Variants in KCNC1 observed in about 807,000 individuals in gnomAD.
KCNC1 encodes the protein potassium voltage-gated channel subfamily C member 1.
In KCNC1, 8 loss-of-function variants were observed where a neutral mutation model predicts 43.4. The ratio of observed to expected loss-of-function variants is 0.18; its 90% CI spans 0.11 to 0.33. The LOEUF is 0.33. KCNC1 is among the 10% of genes least tolerant of loss of function. The pLI, the probability that KCNC1 is intolerant of heterozygous loss-of-function variation, is 1.00. For missense variants in KCNC1, 420 were observed against 836.0 expected (o/e 0.50, Z 6.14); for synonymous variants, 361 against 360.5 (o/e 1.00, Z -0.01).
At position 17,776,526 on chromosome 11, in the gene KCNC1, T is replaced by TA. The variant is rs1273680097; in HGVS notation, c.1505-2921dup. On this transcript the variant is annotated intron_variant, in intron 2 of 3. Transcript: ENST00000265969. This position sits in a 1 kb window ranked among gnomAD's most constrained non-coding sequence, Gnocchi z 4.4. Reference sequence around the variant, plus strand: ...CTCGGGTTCTCCTTGCTCCAAAGTTTAAAAAAAAATGACCCTCTCGCAGAT... The same window carrying TA: ...CTCGGGTTCTCCTTGCTCCAAAGTTTAAAAAAAAAATGACCCTCTCGCAGAT... The TA allele has an allele frequency of 2.8e-5, 28 of 983,370 alleles. No individual in the cohort carries two copies. Among genetic ancestry groups the TA allele is most frequent in the Middle Eastern group, 5.2e-4 (1 of 1,930 alleles). 60.9% of individuals were successfully genotyped at this position (983,370 alleles called of 1,614,324 possible). A position where few individuals can be genotyped will look rare whatever the true frequency, so the allele number is the denominator to read the frequency against.
chr11:17,743,380 C>T (rs988064643), intron 1 of KCNC1, among the ~76,000 whole-genome samples: 13 of 151,902 alleles, frequency 8.6e-5, no homozygotes, highest in Non-Finnish European at 1.6e-4. Context: ...TGGGTCTCTC[C>T]CTCCCCACCA....
intron 1 of KCNC1, among the ~76,000 whole-genome samples, chr11:17,762,772 G>A (rs776061567): frequency 3.9e-5 from 6 of 152,154 alleles, no homozygotes; most frequent in African/African-American, 7.2e-5. Context: ...GTCCTGCTGA[G>A]TGCTCTGCAC....
intron 1 of KCNC1, among the ~76,000 whole-genome samples, chr11:17,765,483 A>T (rs1849137796): frequency 6.6e-6 from 1 of 152,198 alleles, no homozygotes; most frequent in Admixed American, 6.5e-5. Context: ...AAGTCAACAG[A>T]TCGTTAGTAG....
chr11:17,763,571 TAC>T (rs148784935), intron 1 of KCNC1, among the ~76,000 whole-genome samples: 834 of 78,068 alleles, frequency 0.011, 10 homozygotes, highest in African/African-American at 0.035. Context: ...ACACATGCAA[TAC>T]ACACACACAC....
At chr11:17,752,873 C>G (rs1035791566) in intron 1 of KCNC1, among the ~76,000 whole-genome samples, 3 of 152,222 alleles carry the variant, frequency 2.0e-5, no homozygotes, top group African/African-American at 7.2e-5. Context: ...CTGCCTTCAT[C>G]ATTACTGTTG....
chr11:17,772,619 A>G, intron 2 of KCNC1, 21 bp downstream of exon 2: 1 of 1,606,770 alleles, frequency 6.2e-7, no homozygotes, highest in Non-Finnish European at 8.5e-7. Context: ...TCTTAGAGGC[A>G]TGTCGATCTG....
At chr11:17,761,434 C>T (rs867381819) in intron 1 of KCNC1, among the ~76,000 whole-genome samples, 4 of 152,236 alleles carry the variant, frequency 2.6e-5, no homozygotes, top group African/African-American at 9.6e-5. Context: ...TGCAAGGGAG[C>T]CAGCAGTCTT....
At position 17,763,949 on chromosome 11, in the gene KCNC1, A is replaced by ACACC. The variant is rs1554990498; in HGVS notation, c.571-7715_571-7714insACCC. ...CATATACACGCCCACACACACACACACCCACACACAGCAGCCCACACATGC... is the reference window on the plus strand; with the variant it reads ...CATATACACGCCCACACACACACACACACCCCCACACACAGCAGCCCACACATGC... On this transcript the variant is annotated intron_variant, in intron 1 of 3. Transcript: ENST00000265969. Among the ~76,000 whole-genome samples the ACACC allele has an allele frequency of 3.6e-5, 4 of 110,770 alleles. No homozygotes were observed. In the South Asian group the frequency reaches 9.9e-4, roughly 28 times the overall value. The allele number at this position is 110,770 out of a possible 152,430, so 72.7% of individuals were successfully genotyped here.
chr11:17,771,887 A>G lies in KCNC1; in HGVS notation c.793A>G (p.Ile265Val), dbSNP rs1297790335. ...CACCTTCGAGTTCCTCATGCGTGTCATCTTCTGCCCCAACAAGGTAGAGTT... is the reference window on the plus strand; with the variant it reads ...CACCTTCGAGTTCCTCATGCGTGTCGTCTTCTGCCCCAACAAGGTAGAGTT... ...WFTFEFLMRV[I>V]FCPNKVEFIK... Residue 265 changes from isoleucine to valine, a missense_variant, in exon 2 of 4, where the codon ATC becomes GTC. Coordinates refer to ENST00000265969, the MANE Select transcript of KCNC1 (RefSeq NM_001112741.2). The surrounding 1 kb of genome is among the most constrained non-coding windows in gnomAD (Gnocchi z 4.7). The G allele has an allele frequency of 1.2e-6, 2 of 1,614,082 alleles. No homozygotes were observed. The highest frequency in any genetic ancestry group is 2.2e-5 in the East Asian group (1 of 44,896).
In KCNC1 at chr11:17,782,533, A is replaced by G. The variant is rs914468453; in HGVS notation, c.*799A>G. The G allele has an allele frequency of 1.3e-5, 2 of 152,040 alleles. No individual in the cohort carries two copies. Among genetic ancestry groups the G allele is most frequent in the African/African-American group, 4.8e-5 (2 of 41,378 alleles). 9.4% of individuals were successfully genotyped at this position (152,040 alleles called of 1,614,324 possible). A position where few individuals can be genotyped will look rare whatever the true frequency, so the allele number is the denominator to read the frequency against. On this transcript the variant is annotated 3_prime_UTR_variant, in exon 4 of 4. Transcript: ENST00000265969. ...AAATTGTTCATAGTAAATAATCACC[A>G]CCGTATGGATTTTCCAAGTGTTCCA...
At position 17,779,442 on chromosome 11, in the gene KCNC1, T is replaced by C. The variant is rs1396339511; in HGVS notation, c.1505-14T>C. ...TTTTCAGTGTCTCAATAGCTTCTGCTTATATGTTTGAAGATTCCAAACTGA... is the reference window on the plus strand; with the variant it reads ...TTTTCAGTGTCTCAATAGCTTCTGCCTATATGTTTGAAGATTCCAAACTGA... On this transcript the variant is annotated splice_polypyrimidine_tract_variant and intron_variant, in intron 2 of 3. Transcript: ENST00000265969. The surrounding 1 kb of genome is among the most constrained non-coding windows in gnomAD (Gnocchi z 7.2). 2 of 1,532,202 alleles carry C rather than the reference T, an allele frequency of 1.3e-6. No individual in the cohort carries two copies. The highest frequency in any genetic ancestry group is 4.2e-5 in the Admixed American group (2 of 47,306). 94.9% of individuals were successfully genotyped at this position (1,532,202 alleles called of 1,614,324 possible). A position where few individuals can be genotyped will look rare whatever the true frequency, so the allele number is the denominator to read the frequency against.
In KCNC1 at chr11:17,781,480, C is replaced by T; in HGVS notation, c.1694-190C>T. The T allele has an allele frequency of 1.7e-6, 1 of 579,172 alleles. No homozygotes were observed. The highest frequency in any genetic ancestry group is 3.1e-6 in the Non-Finnish European group (1 of 325,786). 35.9% of individuals were successfully genotyped at this position (579,172 alleles called of 1,614,324 possible). A position where few individuals can be genotyped will look rare whatever the true frequency, so the allele number is the denominator to read the frequency against. On this transcript the variant is annotated intron_variant, in intron 3 of 3. Transcript: ENST00000265969. This position sits in a 1 kb window ranked among gnomAD's most constrained non-coding sequence, Gnocchi z 5.1. ...GAAGTAGGGACTCATCCCATTCCCC[C>T]AGGAGGGAGAGAAAGAGGCGTGCTA... is the stretch of plus-strand genomic sequence containing the variant.
chr11:17,755,175 G>A (rs1282099518), intron 1 of KCNC1, among the ~76,000 whole-genome samples: 1 of 152,290 alleles, frequency 6.6e-6, no homozygotes, highest in Non-Finnish European at 1.5e-5. Flanking sequence ...ATGGAGGCAG[G>A]CGTGTGTCTG....
chr11:17,779,312 T>G lies in KCNC1; in HGVS notation c.1505-144T>G, dbSNP rs1423051668. ...CCACCAAGCCCCCTGCCTTGTGCCC[T>G]CCTCGCTCCACAGCCTGCCCGCTTT... On this transcript the variant is annotated intron_variant, in intron 2 of 3. Coordinates refer to ENST00000265969, the MANE Select transcript of KCNC1 (RefSeq NM_001112741.2). The surrounding 1 kb of genome is among the most constrained non-coding windows in gnomAD (Gnocchi z 7.2). 1 of 629,616 alleles carries G rather than the reference T, an allele frequency of 1.6e-6. No individual in the cohort carries two copies. The highest frequency in any genetic ancestry group is 2.6e-6 in the Non-Finnish European group (1 of 383,802). The allele number at this position is 629,616 out of a possible 1,614,324, so 39.0% of individuals were successfully genotyped here.
chr11:17,779,462 A>C lies in KCNC1; in HGVS notation c.1511A>C (p.Lys504Thr). 1 of 1,544,668 alleles carries C rather than the reference A, an allele frequency of 6.5e-7. No individual in the cohort carries two copies. Among genetic ancestry groups the C allele is most frequent in the Non-Finnish European group, 8.7e-7 (1 of 1,144,222 alleles). The change falls in exon 3 of 4, where the codon AAA becomes ACA. Residue 504 changes from lysine (K) to threonine (T), a missense_variant. This residue lies in a region of KCNC1 where 147 missense variants were observed against 176.1 expected (regional missense o/e 0.83). Coordinates refer to ENST00000265969, the MANE Select transcript of KCNC1 (RefSeq NM_001112741.2). The surrounding 1 kb of genome is among the most constrained non-coding windows in gnomAD (Gnocchi z 7.2). Reference protein sequence around the residue: ...EILEINRADSKLNGEVAKAAL... With the variant: ...EILEINRADSTLNGEVAKAAL... ...TCTGCTTATATGTTTGAAGATTCCAAACTGAATGGGGAGGTGGCGAAGGCC... is the reference window on the plus strand; with the variant it reads ...TCTGCTTATATGTTTGAAGATTCCACACTGAATGGGGAGGTGGCGAAGGCC...
At position 17,773,926 on chromosome 11, in the gene KCNC1, G is replaced by C. The variant is rs1849258397; in HGVS notation, c.1504+1328G>C. On this transcript the variant is annotated intron_variant, in intron 2 of 3. Coordinates refer to ENST00000265969, the MANE Select transcript of KCNC1 (RefSeq NM_001112741.2). The surrounding 1 kb of genome is among the most constrained non-coding windows in gnomAD (Gnocchi z 4.1). ...GAGGCTGCTGGCTAGCTCAGCCCCA[G>C]GTGGGGAAGTTTCCCCCTGGTTTGG... is the stretch of plus-strand genomic sequence containing the variant. The C allele has an allele frequency of 3.0e-6, 3 of 985,476 alleles. No homozygotes were observed. Among genetic ancestry groups the C allele is most frequent in the South Asian group, 9.4e-5 (2 of 21,290 alleles). 61.0% of individuals were successfully genotyped at this position (985,476 alleles called of 1,614,324 possible). A position where few individuals can be genotyped will look rare whatever the true frequency, so the allele number is the denominator to read the frequency against.
intron 2 of KCNC1, chr11:17,775,605 C>T (rs568573551): frequency 1.0e-5 from 10 of 985,468 alleles, no homozygotes; most frequent in African/African-American, 3.5e-5. Context: ...CATCTGCAGT[C>T]GGATGCCCAG....
intron 1 of KCNC1, among the ~76,000 whole-genome samples, chr11:17,764,911 G>A (rs759555934): frequency 2.0e-5 from 3 of 152,116 alleles, no homozygotes; most frequent in Admixed American, 6.6e-5. Flanking sequence ...TGGCCATCCC[G>A]CCTGCTCTGC....
intron 1 of KCNC1, among the ~76,000 whole-genome samples, chr11:17,759,497 A>G (rs147104396): frequency 1.2e-3 from 187 of 152,342 alleles, no homozygotes; most frequent in Non-Finnish European, 2.2e-3. Context: ...CTTTTGGCCT[A>G]TCTCAGCTTT....
Sources: gnomAD v4.1 joint callset for allele counts (sites outside exome capture counted in the v4.1 genomes callset) on GRCh38, gnomAD v4.1.1 for gene constraint, gnomAD v4.1.1 regional missense constraint, Gnocchi (gnomAD v3.1) non-coding constraint, MANE v1.5 for transcripts, NCBI Gene and HGNC (gene_info 2026-07-23, HGNC 2026-07-21) for gene names.